Variants in RAB43 observed in about 807,000 individuals in gnomAD.
RAB43 encodes ras-related protein Rab-43.
In RAB43, 6 loss-of-function variants were observed where a neutral mutation model predicts 18.8. The ratio of observed to expected loss-of-function variants is 0.32; its 90% CI spans 0.17 to 0.63. The LOEUF (loss-of-function observed/expected upper bound fraction) is 0.63, where lower values mean the gene tolerates loss of function less well. Among genes scored for constraint, RAB43 ranks in the 30% least tolerant of loss-of-function variants. The probability of loss-of-function intolerance (pLI) is 0.79; values close to 1 mark genes in which losing one functional copy is unlikely to be tolerated. For missense variants in RAB43, 195 were observed against 289.1 expected (o/e 0.67, Z 2.36); for synonymous variants, 103 against 124.1 (o/e 0.83, Z 1.13).
chr3:129,120,912 TG>T (rs888554878), intron 1 of RAB43, among the ~76,000 whole-genome samples: 1 of 152,002 alleles, frequency 6.6e-6, no homozygotes, highest in African/African-American at 2.4e-5. Context: ...TGGATGGAGG[TG>T]GGGGGTCTGA....
intron 1 of RAB43, among the ~76,000 whole-genome samples, chr3:129,118,405 A>T (rs1935688257): frequency 6.6e-6 from 1 of 152,240 alleles, no homozygotes; most frequent in South Asian, 2.1e-4. Flanking sequence ...TCAAATAACA[A>T]GAATTTCAAC....
chr3:129,121,100 G>A (rs1184252348), intron 1 of RAB43, among the ~76,000 whole-genome samples, 186 bp downstream of exon 1: 1 of 127,514 alleles, frequency 7.8e-6, no homozygotes, highest in Non-Finnish European at 1.6e-5. Flanking sequence ...CACGGCCGGC[G>A]CTTTGAGGAC....
At position 129,121,511 on chromosome 3, in the gene RAB43, C is replaced by G. The variant is rs538154943; in HGVS notation, c.-22G>C. On this transcript the variant is annotated 5_prime_UTR_variant, in exon 1 of 3. Coordinates refer to ENST00000315150, the MANE Select transcript of RAB43 (RefSeq NM_198490.3). ...CCATGGCCTAGAAGAAGCCGAAGGG[C>G]CGGCGCTCTGGACGCTGGGACCGGC... is the stretch of plus-strand genomic sequence containing the variant. 2.5e-6 allele frequency: 4 copies of G among 1,582,340 alleles called. No individual in the cohort carries two copies. In the African/African-American group the frequency reaches 4.0e-5, roughly 16 times the overall value.
intron 1 of RAB43, among the ~76,000 whole-genome samples, chr3:129,114,369 G>C (rs1292129420): frequency 6.6e-6 from 1 of 152,154 alleles, no homozygotes; most frequent in Admixed American, 6.5e-5. Context: ...GCAATGAGGA[G>C]AAAAGTACCA....
intron 1 of RAB43, among the ~76,000 whole-genome samples, chr3:129,113,718 C>A (rs1935317667): frequency 6.6e-6 from 1 of 152,066 alleles, no homozygotes; most frequent in South Asian, 2.1e-4. Context: ...ATTCATGAAC[C>A]CAAAGCAGGT....
intron 1 of RAB43, among the ~76,000 whole-genome samples, chr3:129,112,313 A>T (rs760944020): frequency 6.6e-6 from 1 of 152,130 alleles, no homozygotes; most frequent in Non-Finnish European, 1.5e-5. Flanking sequence ...CAAAGTTTTT[A>T]ATTGGAAATG....
chr3:129,094,633 G>T (rs553232739), intron 2 of RAB43, among the ~76,000 whole-genome samples: 1 of 138,472 alleles, frequency 7.2e-6, no homozygotes, highest in Admixed American at 8.1e-5. Context: ...TCCTGCCTCA[G>T]CCTCCCCAGC....
In RAB43 at chr3:129,121,186, T is replaced by G. The variant is rs1576856709; in HGVS notation, c.204+100A>C. 4 of 1,081,614 alleles carry G rather than the reference T, an allele frequency of 3.7e-6. No individual in the cohort carries two copies. The East Asian group carries it at 1.1e-4, about 30-fold the overall frequency. 67.0% of individuals were successfully genotyped at this position (1,081,614 alleles called of 1,614,324 possible). Reference sequence around the variant, plus strand: ...GAAAAAGGGGAAGCCAAAGGAAACTTCAGATGGACGCGGGGTGCGCTCGCC... The same window carrying G: ...GAAAAAGGGGAAGCCAAAGGAAACTGCAGATGGACGCGGGGTGCGCTCGCC... On this transcript the variant is annotated intron_variant, in intron 1 of 2. Transcript: ENST00000315150.
At chr3:129,114,977 C>A (rs920319568) in intron 1 of RAB43, among the ~76,000 whole-genome samples, 1 of 152,012 alleles carries the variant, frequency 6.6e-6, no homozygotes, top group South Asian at 2.1e-4. Flanking sequence ...CTGACCCCCA[C>A]CCCCCGCAAT....
At chr3:129,103,855 G>A (rs1005314042) in intron 1 of RAB43, among the ~76,000 whole-genome samples, 5 of 152,096 alleles carry the variant, frequency 3.3e-5, no homozygotes, top group Admixed American at 6.5e-5. Context: ...ACGAGCCACC[G>A]CACCTGGCCA....
chr3:129,120,063 C>T (rs900957061), intron 1 of RAB43, among the ~76,000 whole-genome samples: 1 of 152,174 alleles, frequency 6.6e-6, no homozygotes, highest in Non-Finnish European at 1.5e-5. Flanking sequence ...GAGACCAAAA[C>T]ACAGACCCCA....
chr3:129,115,404 T>C (rs569721197), intron 1 of RAB43, among the ~76,000 whole-genome samples: 1 of 152,076 alleles, frequency 6.6e-6, no homozygotes, highest in Non-Finnish European at 1.5e-5. Context: ...CTAAGGAGGC[T>C]GAGGCAGGAG....
chr3:129,092,848 C>T (rs1308910883), intron 2 of RAB43, among the ~76,000 whole-genome samples: 3 of 150,236 alleles, frequency 2.0e-5, no homozygotes, highest in Middle Eastern at 3.2e-3. Flanking sequence ...CCCAGCTACT[C>T]GGGAGGCTGA....
intron 2 of RAB43, 100 bp downstream of exon 2, chr3:129,094,886 A>T: frequency 1.4e-6 from 2 of 1,451,926 alleles, no homozygotes; most frequent in Non-Finnish European, 1.8e-6. Flanking sequence ...TCTGGCTGGG[A>T]CTCCCTCTGA....
chr3:129,098,042 T>C lies in RAB43; in HGVS notation c.205-2873A>G, dbSNP rs370798439. 5.3e-5 allele frequency among the ~76,000 whole-genome samples: 8 copies of C among 152,130 alleles called. No individual in the cohort carries two copies. The South Asian group carries it at 6.2e-4, about 12-fold the overall frequency. Reference sequence around the variant, plus strand: ...TAAGTAGGGGGAGCCCAAAAGTCTATGTGAGGTGTCCCAGTGAGCTCTTGA... The same window carrying C: ...TAAGTAGGGGGAGCCCAAAAGTCTACGTGAGGTGTCCCAGTGAGCTCTTGA... On this transcript the variant is annotated intron_variant, in intron 1 of 2. Coordinates refer to ENST00000315150, the MANE Select transcript of RAB43 (RefSeq NM_198490.3).
In RAB43 at chr3:129,107,073, A is replaced by C. The variant is rs1047179659; in HGVS notation, c.205-11904T>G. 6.6e-6 allele frequency among the ~76,000 whole-genome samples: 1 copy of C among 152,154 alleles called. No homozygotes were observed. Among genetic ancestry groups the C allele is most frequent in the Non-Finnish European group, 1.5e-5 (1 of 68,024 alleles). On this transcript the variant is annotated intron_variant, in intron 1 of 2. Transcript: ENST00000315150. This position sits in a 1 kb window ranked among gnomAD's most constrained non-coding sequence, Gnocchi z 4.2. ...GCCAGGAAGGCAGAGTTCTGTGGGC[A>C]CCTGGCACTGTCTGTCAGTGCTCCC...
At chr3:129,094,949 T>C in intron 2 of RAB43, 37 bp downstream of exon 2, 1 of 1,591,308 alleles carries the variant, frequency 6.3e-7, no homozygotes, top group Non-Finnish European at 8.6e-7. Flanking sequence ...ACAGGCAGAG[T>C]GATGGGATTT....
rs1427559710 is a variant in RAB43, at chr3:129,121,737, C to G, written c.-248G>C. ...CGGTGCCCCGCGGGTTCGGCTCCCC[C>G]CCGGACCCGCCAAGCCGGGCCCTCC... On this transcript the variant is annotated 5_prime_UTR_variant, in exon 1 of 3. Transcript: ENST00000315150. 3.7e-5 allele frequency: 10 copies of G among 268,466 alleles called. No individual in the cohort carries two copies. The highest frequency in any genetic ancestry group is 1.6e-4 in the South Asian group (1 of 6,202). 16.6% of individuals were successfully genotyped at this position (268,466 alleles called of 1,614,324 possible). A position where few individuals can be genotyped will look rare whatever the true frequency, so the allele number is the denominator to read the frequency against.
At chr3:129,113,640 T>C (rs1271882528) in intron 1 of RAB43, among the ~76,000 whole-genome samples, 1 of 152,202 alleles carries the variant, frequency 6.6e-6, no homozygotes, top group African/African-American at 2.4e-5. Context: ...CGAGGCAAAC[T>C]GGTGCAAGTA....
Sources: allele counts gnomAD v4.1 joint callset (sites outside exome capture counted in the v4.1 genomes callset), GRCh38; gene constraint gnomAD v4.1.1; non-coding constraint Gnocchi (gnomAD v3.1); transcripts MANE v1.5; gene names NCBI Gene and HGNC (gene_info 2026-07-23, HGNC 2026-07-21).